TP63: variants seen among roughly 807,000 people sequenced by gnomAD.
The protein encoded by TP63 is tumor protein p63.
TP63 carries 17 observed loss-of-function variants against 82.8 expected under a neutral mutation model. The ratio of observed to expected loss-of-function variants is 0.21; its 90% CI spans 0.14 to 0.31. The LOEUF is 0.31. Among genes scored for constraint, TP63 ranks in the 10% least tolerant of loss-of-function variants. TP63 has a pLI of 1.00. For missense variants in TP63, 648 were observed against 895.3 expected (o/e 0.72, Z 3.52); for synonymous variants, 330 against 321.7 (o/e 1.03, Z -0.28).
At chr3:189,880,428 G>A (rs2108841044) in intron 10 of TP63, 1 of 1,090,938 alleles carries the variant, frequency 9.2e-7, no homozygotes, top group East Asian at 5.4e-5. Flanking sequence ...GGTGGGTGAG[G>A]AACCACTGTG....
chr3:189,756,218 T>C (rs9870675), intron 3 of TP63, among the ~76,000 whole-genome samples: 6,238 of 152,298 alleles, frequency 0.041, 136 homozygotes, highest in South Asian at 0.058. Flanking sequence ...CAAATAGGCT[T>C]TGGGTATGAG....
At chr3:189,654,488 A>C (rs941132188) in intron 1 of TP63, among the ~76,000 whole-genome samples, 12 of 152,202 alleles carry the variant, frequency 7.9e-5, no homozygotes, top group African/African-American at 2.9e-4. Flanking sequence ...AGGAGTAAAA[A>C]ATAAACACAT....
chr3:189,728,097 G>A (rs80208059), intron 1 of TP63, among the ~76,000 whole-genome samples: 4,195 of 151,890 alleles, frequency 0.028, 124 homozygotes, highest in East Asian at 0.14. Flanking sequence ...AAGGATCCAG[G>A]ATGGCTAGGC....
intron 1 of TP63, among the ~76,000 whole-genome samples, chr3:189,656,924 A>G (rs1465788241): frequency 1.0e-5 from 1 of 97,368 alleles, no homozygotes; most frequent in Non-Finnish European, 2.3e-5. Flanking sequence ...AGCAACCAAG[A>G]TGTTCTTCAA....
intron 4 of TP63, among the ~76,000 whole-genome samples, chr3:189,832,117 A>T (rs1430926153): frequency 6.6e-6 from 1 of 152,108 alleles, no homozygotes; most frequent in Non-Finnish European, 1.5e-5. Context: ...GGCATGATCC[A>T]CCACGCCCAG....
intron 1 of TP63, among the ~76,000 whole-genome samples, chr3:189,710,856 C>G (rs1165708575): frequency 6.6e-6 from 1 of 152,108 alleles, no homozygotes; most frequent in African/African-American, 2.4e-5. Context: ...ATAGTGATGT[C>G]TACAAATCAC....
intron 3 of TP63, among the ~76,000 whole-genome samples, chr3:189,739,785 C>CT (rs200515220): frequency 0.044 from 5,520 of 126,478 alleles, 167 homozygotes; most frequent in South Asian, 0.13. Flanking sequence ...GGTGGGTTTT[C>CT]TTTTTTTTTT....
intron 4 of TP63, among the ~76,000 whole-genome samples, chr3:189,833,166 T>C (rs1335298703): frequency 6.6e-6 from 1 of 152,194 alleles, no homozygotes; most frequent in African/African-American, 2.4e-5. Context: ...CTTTTGTTAT[T>C]CATTACTTAA....
intron 4 of TP63, among the ~76,000 whole-genome samples, chr3:189,863,890 G>C (rs139372600): frequency 6.6e-6 from 1 of 152,022 alleles, no homozygotes; most frequent in African/African-American, 2.4e-5. Flanking sequence ...CTTTCACTTA[G>C]CTTCTGGTAA....
At chr3:189,627,412 A>G (rs1577141311), upstream of TP63, among the ~76,000 whole-genome samples, 1 of 152,298 alleles carries the variant, frequency 6.6e-6, no homozygotes, top group East Asian at 1.9e-4. Context: ...CATGGCATCA[A>G]TGAGCAAAAA....
At chr3:189,640,737 T>G (rs1711778602) in intron 1 of TP63, among the ~76,000 whole-genome samples, 1 of 152,158 alleles carries the variant, frequency 6.6e-6, no homozygotes, top group East Asian at 1.9e-4. Context: ...TTGACCTCCC[T>G]TCTTTTCTTT....
At chr3:189,673,229 A>G (rs1346026592) in intron 1 of TP63, among the ~76,000 whole-genome samples, 1 of 152,158 alleles carries the variant, frequency 6.6e-6, no homozygotes, top group East Asian at 1.9e-4. Flanking sequence ...AACTCTAGGA[A>G]CTAGGAAAGA....
intron 1 of TP63, among the ~76,000 whole-genome samples, chr3:189,712,928 A>C (rs1420280474): frequency 6.6e-6 from 1 of 152,142 alleles, no homozygotes; most frequent in African/African-American, 2.4e-5. Flanking sequence ...GCCATTGAAA[A>C]TATCTGAGAT....
chr3:189,789,411 C>T (rs1379464320), intron 3 of TP63, among the ~76,000 whole-genome samples: 1 of 151,396 alleles, frequency 6.6e-6, no homozygotes, highest in Non-Finnish European at 1.5e-5. Context: ...AGACAGTGCA[C>T]TTTCTTATGA....
chr3:189,651,774 C>G (rs1459158013), intron 1 of TP63, among the ~76,000 whole-genome samples: 2 of 146,570 alleles, frequency 1.4e-5, no homozygotes, highest in African/African-American at 2.6e-5. Flanking sequence ...GTCCAGGGCC[C>G]CCTGCTCTGT....
chr3:189,770,261 T>C (rs1296566583), intron 3 of TP63, among the ~76,000 whole-genome samples: 6 of 152,198 alleles, frequency 3.9e-5, no homozygotes, highest in African/African-American at 7.2e-5. Flanking sequence ...TTTCTATTCA[T>C]CTGGAATGTG....
chr3:189,768,637 G>A (rs80270222), intron 3 of TP63, among the ~76,000 whole-genome samples: 9,268 of 152,008 alleles, frequency 0.061, 436 homozygotes, highest in Admixed American at 0.15. Flanking sequence ...ATTCCAAAAC[G>A]TATGCACTGC....
chr3:189,880,481 A>C (rs891859140), intron 10 of TP63: 1 of 1,032,188 alleles, frequency 9.7e-7, no homozygotes, highest in Non-Finnish European at 1.2e-6. Context: ...GGGAGGGGTC[A>C]GGTGGGGAAA....
At chr3:189,682,191 A>G (rs1365944637) in intron 1 of TP63, among the ~76,000 whole-genome samples, 3 of 152,192 alleles carry the variant, frequency 2.0e-5, no homozygotes, top group Non-Finnish European at 4.4e-5. Context: ...ATATCAGTGC[A>G]ACACAGAAGA....
Sources: allele counts gnomAD v4.1 joint callset (sites outside exome capture counted in the v4.1 genomes callset), GRCh38; gene constraint gnomAD v4.1.1; transcripts MANE v1.5; gene names NCBI Gene and HGNC (gene_info 2026-07-23, HGNC 2026-07-21).